Variants in GTF2IRD1 observed in about 807,000 individuals in gnomAD.
The protein encoded by GTF2IRD1 is general transcription factor II-I repeat domain-containing protein 1.
Under a neutral mutation model 113.2 loss-of-function variants are expected in GTF2IRD1, and 26 were observed. The observed-to-expected ratio is 0.23, with a 90% CI of 0.17 to 0.32. The LOEUF (loss-of-function observed/expected upper bound fraction) is 0.32. GTF2IRD1 is among the 10% of genes least tolerant of loss of function. GTF2IRD1 has a pLI of 1.00. For synonymous variants in GTF2IRD1, 484 were observed against 529.1 expected, an observed-to-expected ratio of 0.91 and a Z score of 1.17; for missense variants, 864 against 1,280.8, an observed-to-expected ratio of 0.67 and a Z score of 4.97.
At chr7:74,462,899 G>A (rs1299015105) in intron 1 of GTF2IRD1, among the ~76,000 whole-genome samples, 2 of 152,230 alleles carry the variant, frequency 1.3e-5, no homozygotes, top group African/African-American at 2.4e-5. Flanking sequence ...ATCCAGGTGG[G>A]CTCTGGAGTA....
At chr7:74,585,848 C>T (rs1463902349) in intron 22 of GTF2IRD1, among the ~76,000 whole-genome samples, 1 of 151,650 alleles carries the variant, frequency 6.6e-6, no homozygotes, top group Non-Finnish European at 1.5e-5. Flanking sequence ...CACCACTGCA[C>T]TCCAGTCCAG....
intron 14 of GTF2IRD1, among the ~76,000 whole-genome samples, chr7:74,544,465 T>C (rs2267819): frequency 0.27 from 41,078 of 152,144 alleles, 5,792 homozygotes; most frequent in East Asian, 0.48. Context: ...GGATTACAGG[T>C]GTGAGCCACC....
intron 1 of GTF2IRD1, among the ~76,000 whole-genome samples, chr7:74,482,014 G>A (rs142165823): frequency 5.3e-4 from 81 of 152,206 alleles, no homozygotes; most frequent in Admixed American, 2.0e-3. Flanking sequence ...TGTCTCCAGT[G>A]ACATTCCCAG....
At chr7:74,482,053 C>T (rs1199793161) in intron 1 of GTF2IRD1, among the ~76,000 whole-genome samples, 2 of 152,188 alleles carry the variant, frequency 1.3e-5, no homozygotes, top group South Asian at 2.1e-4. Context: ...GCCCTAGTGA[C>T]AGCATGGGGT....
At chr7:74,496,029 A>T (rs76354746) in intron 1 of GTF2IRD1, among the ~76,000 whole-genome samples, 270 of 134,292 alleles carry the variant, frequency 2.0e-3, no homozygotes, top group African/African-American at 3.3e-3. Flanking sequence ...CGTGTGTGTG[A>T]GTGAGTGTGC....
chr7:74,588,482 C>T (rs1562895626), intron 22 of GTF2IRD1, among the ~76,000 whole-genome samples: 1 of 152,044 alleles, frequency 6.6e-6, no homozygotes, highest in African/African-American at 2.4e-5. Flanking sequence ...ACTGCCACTC[C>T]GTCCTTCACA....
chr7:74,544,467 T>G (rs1325179873), intron 14 of GTF2IRD1, among the ~76,000 whole-genome samples: 1 of 152,240 alleles, frequency 6.6e-6, no homozygotes, highest in Non-Finnish European at 1.5e-5. Flanking sequence ...ATTACAGGTG[T>G]GAGCCACCGT....
Position 74,570,732 on chromosome 7 carries a change from C to T in GTF2IRD1, c.2320+11077C>T, listed in dbSNP as rs190306735. On this transcript the variant is annotated intron_variant, in intron 22 of 26. Transcript: ENST00000424337. ...AAGCTTTGGAAGGTAGTGAACTCCC[C>T]GTCACTGGAGGCATTTAAGCAGAGG... Among the ~76,000 whole-genome samples the T allele has an allele frequency of 2.9e-3, 448 of 152,224 alleles. 2 individuals carry two copies. Among genetic ancestry groups the T allele is most frequent in the African/African-American group, 0.01 (431 of 41,550 alleles).
At chr7:74,579,956 G>A (rs1182865491) in intron 22 of GTF2IRD1, among the ~76,000 whole-genome samples, 2 of 152,188 alleles carry the variant, frequency 1.3e-5, no homozygotes, top group African/African-American at 2.4e-5. Context: ...GTGTCCAGGT[G>A]CAGGTCTGGG....
At chr7:74,561,282 G>A (rs1206955670) in intron 22 of GTF2IRD1, among the ~76,000 whole-genome samples, 1 of 150,932 alleles carries the variant, frequency 6.6e-6, no homozygotes, top group Non-Finnish European at 1.5e-5. Flanking sequence ...CCGGGAGGCA[G>A]AGGTTGCAGT....
chr7:74,502,120 G>A (rs1554339675), intron 1 of GTF2IRD1, among the ~76,000 whole-genome samples: 1 of 152,158 alleles, frequency 6.6e-6, no homozygotes, highest in African/African-American at 2.4e-5. Context: ...TGTATTTTTT[G>A]TAGAGACAGG....
At chr7:74,509,879 G>T (rs1796524829) in intron 2 of GTF2IRD1, among the ~76,000 whole-genome samples, 1 of 152,120 alleles carries the variant, frequency 6.6e-6, no homozygotes. Flanking sequence ...GTTTCACCAT[G>T]TTGGCCAGGA....
intron 24 of GTF2IRD1, among the ~76,000 whole-genome samples, chr7:74,594,313 G>A (rs782501212): frequency 3.3e-5 from 5 of 151,910 alleles, no homozygotes; most frequent in Non-Finnish European, 7.4e-5. Flanking sequence ...CCAGGAGTTC[G>A]AGGCTGCAGT....
At chr7:74,493,400 C>T (rs146539684) in intron 1 of GTF2IRD1, among the ~76,000 whole-genome samples, 30 of 152,114 alleles carry the variant, frequency 2.0e-4, no homozygotes, top group African/African-American at 6.5e-4. Flanking sequence ...TATGAGCTAC[C>T]GCGCCCGGCC....
intron 22 of GTF2IRD1, among the ~76,000 whole-genome samples, chr7:74,582,958 ACAG>A (rs1428044085): frequency 6.6e-6 from 1 of 151,934 alleles, no homozygotes; most frequent in Non-Finnish European, 1.5e-5. Flanking sequence ...AGCCTGAATG[ACAG>A]CAAGACCCTG....
chr7:74,545,902 T>C, intron 16 of GTF2IRD1, 93 bp downstream of exon 16: 1 of 894,270 alleles, frequency 1.1e-6, no homozygotes, highest in Non-Finnish European at 1.9e-6. Context: ...CCCTTGCCTG[T>C]TCCCATCCCA....
chr7:74,591,372 CTCT>C (rs1186185309), intron 24 of GTF2IRD1, among the ~76,000 whole-genome samples: 3 of 139,574 alleles, frequency 2.1e-5, no homozygotes, highest in African/African-American at 7.9e-5. Context: ...CTCAGTGATT[CTCT>C]TTTTTTTTTT....
At chr7:74,600,017 A>G (rs1213716199) in intron 25 of GTF2IRD1, among the ~76,000 whole-genome samples, 1 of 152,150 alleles carries the variant, frequency 6.6e-6, no homozygotes, top group African/African-American at 2.4e-5. Context: ...GGTGCTCGTG[A>G]GTGAAATGTG....
rs2130786521 is a variant in GTF2IRD1 at position 74,559,663 on chromosome 7, G to A, written c.2320+8G>A. On this transcript the variant is annotated splice_region_variant and intron_variant, in intron 22 of 26. Coordinates refer to ENST00000424337, the MANE Select transcript of GTF2IRD1 (RefSeq NM_005685.4). Reference sequence around the variant, plus strand: ...GACTCATCCCAAAGCCTGGTAAGAGGCACTGGCTGTGGAGGGGGCACTGGG... The same window carrying A: ...GACTCATCCCAAAGCCTGGTAAGAGACACTGGCTGTGGAGGGGGCACTGGG... The A allele has an allele frequency of 1.9e-6, 3 of 1,593,524 alleles. No individual in the cohort carries two copies. Among genetic ancestry groups the A allele is most frequent in the Non-Finnish European group, 2.6e-6 (3 of 1,170,446 alleles).
Sources: gnomAD v4.1 joint callset for allele counts (sites outside exome capture counted in the v4.1 genomes callset) on GRCh38, gnomAD v4.1.1 for gene constraint, MANE v1.5 for transcripts, NCBI Gene and HGNC (gene_info 2026-07-23, HGNC 2026-07-21) for gene names.